COL5A2: variants seen among roughly 807,000 people sequenced by gnomAD.
COL5A2 encodes collagen alpha-2(V) chain.
Under a neutral mutation model 208.2 loss-of-function variants are expected in COL5A2, and 23 were observed. The ratio of observed to expected loss-of-function variants is 0.11; its 90% confidence interval spans 0.08 to 0.16. COL5A2 has a LOEUF of 0.16. Ranked by LOEUF, COL5A2 falls within the 10% of genes least tolerant of loss-of-function variation. COL5A2 has a pLI of 1.00. For missense variants in COL5A2, 1,590 were observed against 1,956.4 expected (o/e 0.81, Z 3.53); for synonymous variants, 625 against 628.5 (o/e 0.99, Z 0.08).
At chr2:189,056,349 T>C (rs1685900112) in intron 35 of COL5A2, among the ~76,000 whole-genome samples, 1 of 152,250 alleles carries the variant, frequency 6.6e-6, no homozygotes, top group African/African-American at 2.4e-5. Context: ...AAATCATTTA[T>C]GTCTGAAAAT....
the COL5A2 span, among the ~76,000 whole-genome samples, chr2:189,323,035 TA>T: frequency 6.6e-6 from 1 of 152,192 alleles, no homozygotes; most frequent in Admixed American, 6.5e-5. Flanking sequence ...TCAATAAACG[TA>T]ATACAGCATA....
the COL5A2 span, among the ~76,000 whole-genome samples, chr2:189,231,577 G>T: frequency 2.0e-4 from 31 of 151,602 alleles, no homozygotes; most frequent in Admixed American, 1.9e-3. Context: ...TGTTCATACA[G>T]AACAAGCCTG....
At chr2:189,042,042 A>T (rs528796081) in intron 49 of COL5A2, among the ~76,000 whole-genome samples, 2 of 152,320 alleles carry the variant, frequency 1.3e-5, no homozygotes, top group East Asian at 1.9e-4. Context: ...GTTTAAGTGA[A>T]ATTTCTGTGC....
the COL5A2 span, among the ~76,000 whole-genome samples, chr2:189,437,223 C>T: frequency 2.6e-5 from 4 of 152,156 alleles, no homozygotes; most frequent in African/African-American, 4.8e-5. Context: ...GCATCAAGCA[C>T]GTGGCTGGCC....
intron 38 of COL5A2, 40 bp downstream of exon 38, chr2:189,053,384 A>G: frequency 6.6e-7 from 1 of 1,508,796 alleles, no homozygotes; most frequent in Non-Finnish European, 9.2e-7. Context: ...ATAACAAGAT[A>G]AGTGTTTATT....
intron 2 of COL5A2, among the ~76,000 whole-genome samples, chr2:189,108,613 CAT>C (rs999418077): frequency 2.2e-4 from 33 of 151,836 alleles, no homozygotes; most frequent in African/African-American, 6.8e-4. Context: ...ATTTTTCAGA[CAT>C]GTGGTTGCCA....
chr2:189,384,028 C>T, the COL5A2 span, among the ~76,000 whole-genome samples: 38 of 152,072 alleles, frequency 2.5e-4, no homozygotes, highest in Admixed American at 5.2e-4. Flanking sequence ...CCATACCTGG[C>T]TTATTTTTTT....
intron 1 of COL5A2, among the ~76,000 whole-genome samples, chr2:189,157,681 T>A (rs563501854): frequency 2.0e-5 from 3 of 152,030 alleles, no homozygotes; most frequent in Admixed American, 6.6e-5. Flanking sequence ...TGTGGGCTAA[T>A]TCTTCAGTGG....
chr2:189,386,218 C>G, the COL5A2 span, among the ~76,000 whole-genome samples: 3 of 152,098 alleles, frequency 2.0e-5, no homozygotes, highest in East Asian at 1.9e-4. Context: ...TAAGCAATAT[C>G]AATAAGAAAA....
At chr2:189,158,128 A>T (rs1477348550) in intron 1 of COL5A2, among the ~76,000 whole-genome samples, 1 of 152,038 alleles carries the variant, frequency 6.6e-6, no homozygotes, top group African/African-American at 2.4e-5. Flanking sequence ...AGTTACTAAG[A>T]ATCATTACAG....
intron 40 of COL5A2, among the ~76,000 whole-genome samples, 176 bp from the exon 41 acceptor site, chr2:189,052,401 C>G (rs1301950560): frequency 6.6e-6 from 1 of 151,898 alleles, no homozygotes; most frequent in Admixed American, 6.6e-5. Context: ...TCTAGATTAA[C>G]TGGTAGGAAG....
the COL5A2 span, among the ~76,000 whole-genome samples, chr2:189,401,759 C>T: frequency 6.6e-6 from 1 of 152,110 alleles, no homozygotes; most frequent in East Asian, 1.9e-4. Context: ...TAATAATAGC[C>T]ATTCTAACTG....
At chr2:189,294,500 T>C in the COL5A2 span, among the ~76,000 whole-genome samples, 1 of 151,950 alleles carries the variant, frequency 6.6e-6, no homozygotes, top group Non-Finnish European at 1.5e-5. Flanking sequence ...ATATTCCTAA[T>C]AACCTGTTAT....
At chr2:189,096,484 T>C (rs1237262084) in intron 6 of COL5A2, among the ~76,000 whole-genome samples, 1 of 151,876 alleles carries the variant, frequency 6.6e-6, no homozygotes, top group African/African-American at 2.4e-5. Context: ...TAGCTGGGCA[T>C]GGTGGCGGGC....
intron 1 of COL5A2, among the ~76,000 whole-genome samples, chr2:189,186,419 C>T (rs937360458): frequency 6.6e-6 from 1 of 152,066 alleles, no homozygotes; most frequent in East Asian, 1.9e-4. Context: ...GTATTAAGTA[C>T]TTACTATGTC....
chr2:189,245,837 T>C, the COL5A2 span, among the ~76,000 whole-genome samples: 4 of 152,144 alleles, frequency 2.6e-5, no homozygotes, highest in African/African-American at 9.7e-5. Flanking sequence ...AGAGTAAGAG[T>C]TGAAACTGTG....
At chr2:189,091,839 TA>T (rs1358664862) in intron 7 of COL5A2, among the ~76,000 whole-genome samples, 1 of 152,110 alleles carries the variant, frequency 6.6e-6, no homozygotes, top group African/African-American at 2.4e-5. Flanking sequence ...TTACTTCAAG[TA>T]AAAAAACTAA....
In COL5A2 at chr2:189,147,896, C is replaced by T. The variant is rs17270959; in HGVS notation, c.97+31612G>A. Among the ~76,000 whole-genome samples, 613 of 152,134 alleles carry T rather than the reference C, an allele frequency of 4.0e-3. 2 individuals carry two copies. The highest frequency in any genetic ancestry group is 6.3e-3 in the Non-Finnish European group (425 of 67,986). On this transcript the variant is annotated intron_variant, in intron 1 of 53. Coordinates refer to ENST00000374866, the MANE Select transcript of COL5A2 (RefSeq NM_000393.5). ...AGCTTTATCTCCTCTCTGATGGTCC[C>T]GGGACTCTACCAAATGAGTTGGTGG...
chr2:189,340,739 C>T, the COL5A2 span, among the ~76,000 whole-genome samples: 1 of 152,220 alleles, frequency 6.6e-6, no homozygotes, highest in African/African-American at 2.4e-5. Context: ...ATTGTCACCT[C>T]TCCTGGGTTT....
Sources: gnomAD v4.1 joint callset for allele counts (sites outside exome capture counted in the v4.1 genomes callset) on GRCh38, gnomAD v4.1.1 for gene constraint, MANE v1.5 for transcripts, NCBI Gene and HGNC (gene_info 2026-07-23, HGNC 2026-07-21) for gene names.